FCHO2: variants seen among roughly 807,000 people sequenced by gnomAD.
The protein encoded by FCHO2 is FCH and mu domain containing endocytic adaptor 2, also known as F-BAR domain only protein 2.
In FCHO2, 43 loss-of-function variants were observed where a neutral mutation model predicts 114.1. That is an observed-to-expected ratio of 0.38 (90% CI 0.30 to 0.49). FCHO2 has a LOEUF of 0.49. FCHO2 is among the 20% of genes least tolerant of loss of function. The probability of loss-of-function intolerance (pLI) is 0.97; values close to 1 mark genes in which losing one functional copy is unlikely to be tolerated. For synonymous variants in FCHO2, 293 were observed against 315.2 expected (o/e 0.93, Z 0.75); for missense variants, 807 against 950.4 (o/e 0.85, Z 1.98).
Position 73,054,527 on chromosome 5 carries a change from A to G in FCHO2, c.1188A>G (p.Val396=). ...CCTATTTTGCATCTCTGTTTTAGGT[A>G]CAGATGAATCGGAATTTGTCTAGTA... ...LSPAISRHSP[V]QMNRNLSNEE... The change falls in exon 15 of 26, where the codon GTA becomes GTG. Residue 396 remains valine, a splice_region_variant and synonymous_variant. Coordinates refer to ENST00000430046, the MANE Select transcript of FCHO2 (RefSeq NM_138782.3). 6.5e-7 allele frequency: 1 copy of G among 1,541,674 alleles called. No individual in the cohort carries two copies. Among genetic ancestry groups the G allele is most frequent in the Non-Finnish European group, 8.8e-7 (1 of 1,142,476 alleles).
chr5:73,065,935 G>A (rs1455080137), intron 18 of FCHO2, among the ~76,000 whole-genome samples: 1 of 151,806 alleles, frequency 6.6e-6, no homozygotes, highest in African/African-American at 2.4e-5. Context: ...TTATTCCACT[G>A]TATATGTCCA....
chr5:73,008,350 G>A (rs955113130), intron 6 of FCHO2, among the ~76,000 whole-genome samples: 15 of 152,148 alleles, frequency 9.9e-5, no homozygotes, highest in East Asian at 5.8e-4. Flanking sequence ...GAGGGCCAGC[G>A]TAGTGGTCTT....
intron 17 of FCHO2, 115 bp from the exon 18 acceptor site, chr5:73,063,726 G>T: frequency 1.2e-6 from 1 of 822,614 alleles, no homozygotes; most frequent in Non-Finnish European, 2.0e-6. Context: ...TAAAAAAAGA[G>T]CCTCCTGAAA....
At chr5:72,998,403 C>T (rs1421980038) in intron 5 of FCHO2, among the ~76,000 whole-genome samples, 2 of 151,718 alleles carry the variant, frequency 1.3e-5, no homozygotes, top group African/African-American at 2.4e-5. Context: ...AGGAGAATGG[C>T]GTGAACCTGG....
At chr5:73,026,624 T>C (rs1755934348) in intron 8 of FCHO2, among the ~76,000 whole-genome samples, 1 of 152,214 alleles carries the variant, frequency 6.6e-6, no homozygotes, top group Admixed American at 6.5e-5. Flanking sequence ...CAAATTTTTT[T>C]CTAACTCGTT....
chr5:73,014,315 G>A (rs577016444), intron 6 of FCHO2, among the ~76,000 whole-genome samples: 1 of 145,076 alleles, frequency 6.9e-6, no homozygotes, highest in Non-Finnish European at 1.5e-5. Context: ...TTGAGATGGA[G>A]TCTCACTCTG....
At chr5:73,021,549 A>G (rs186710899) in intron 8 of FCHO2, among the ~76,000 whole-genome samples, 1 of 152,152 alleles carries the variant, frequency 6.6e-6, no homozygotes, top group Admixed American at 6.5e-5. Context: ...CATCTTTACC[A>G]CATTCATTCA....
At chr5:73,078,385 G>A in intron 22 of FCHO2, 73 bp downstream of exon 22, 2 of 1,321,508 alleles carry the variant, frequency 1.5e-6, no homozygotes, top group Non-Finnish European at 1.0e-6. Context: ...AAATGAATAA[G>A]TATGTCATAG....
intron 18 of FCHO2, among the ~76,000 whole-genome samples, chr5:73,065,015 C>T (rs1757999267): frequency 6.6e-6 from 1 of 151,922 alleles, no homozygotes; most frequent in Admixed American, 6.6e-5. Context: ...TCGTCAGTCT[C>T]ATATCCTCAG....
At chr5:72,986,870 CTTTCTTTTTTT>C (rs1215638388) in intron 2 of FCHO2, among the ~76,000 whole-genome samples, 146 of 150,394 alleles carry the variant, frequency 9.7e-4, no homozygotes, top group African/African-American at 3.0e-3. Flanking sequence ...TTTTCTTTTT[CTTTCTTTTTTT>C]TTTCTTTTTT....
intron 2 of FCHO2, among the ~76,000 whole-genome samples, chr5:72,980,923 G>T (rs944201289): frequency 6.6e-6 from 1 of 152,000 alleles, no homozygotes; most frequent in Non-Finnish European, 1.5e-5. Flanking sequence ...TCTTTTAATT[G>T]GGGCATTTAG....
intron 5 of FCHO2, among the ~76,000 whole-genome samples, chr5:72,993,402 A>G (rs1195780374): frequency 7.2e-5 from 11 of 152,184 alleles, no homozygotes; most frequent in Non-Finnish European, 1.6e-4. Flanking sequence ...TAATTTCAGA[A>G]GGAAAAAATG....
intron 11 of FCHO2, among the ~76,000 whole-genome samples, chr5:73,048,254 A>G (rs1251924482): frequency 6.6e-6 from 1 of 152,072 alleles, no homozygotes; most frequent in East Asian, 1.9e-4. Flanking sequence ...GTTCGAGACC[A>G]GCCTGGCCAA....
intron 8 of FCHO2, chr5:73,020,958 G>T (rs1755591336): frequency 1.3e-5 from 20 of 1,595,686 alleles, no homozygotes; most frequent in Admixed American, 1.7e-5. Flanking sequence ...TGCTTCGGCT[G>T]TTGAGTGGTT....
chr5:73,025,979 CA>C (rs1395773544), intron 8 of FCHO2, among the ~76,000 whole-genome samples: 1 of 152,070 alleles, frequency 6.6e-6, no homozygotes, highest in South Asian at 2.1e-4. Context: ...TAAAAGAAAA[CA>C]AAAGATCCAA....
intron 18 of FCHO2, among the ~76,000 whole-genome samples, chr5:73,066,323 A>T (rs1156398): frequency 6.6e-6 from 1 of 151,702 alleles, no homozygotes; most frequent in Non-Finnish European, 1.5e-5. Flanking sequence ...CACCGTTGTC[A>T]GAATTAAATT....
At chr5:73,013,922 G>T (rs545946223) in intron 6 of FCHO2, among the ~76,000 whole-genome samples, 47 of 152,040 alleles carry the variant, frequency 3.1e-4, no homozygotes, top group Non-Finnish European at 6.2e-4. Context: ...CTCATCTCAT[G>T]ATCAGCTGGC....
In FCHO2 at chr5:73,051,352, A is replaced by T. The variant is rs774230768; in HGVS notation, c.943A>T (p.Ile315Phe). The T allele has an allele frequency of 2.1e-5, 32 of 1,527,166 alleles. 1 individual carries two copies. In the Admixed American group the frequency reaches 4.7e-4, roughly 23 times the overall value. 94.6% of individuals were successfully genotyped at this position (1,527,166 alleles called of 1,614,324 possible). The change falls in exon 12 of 26, where the codon ATT becomes TTT. Residue 315 changes from isoleucine to phenylalanine, a missense_variant. Ile to Phe is a conservative substitution (Grantham distance 21, BLOSUM62 0). Transcript: ENST00000430046. The stretch of plus-strand genomic sequence containing the variant: ...TTTTTTTTTCTTTTTCCCTTAGAAC[A>T]TTCCTGATGTAGATGAAGAAGGCTA... The part of the protein sequence containing the change: ...VECPDADSLN[I>F]PDVDEEGYSI...
rs767097145 is a variant in FCHO2 at position 73,082,806 on chromosome 5, A to G, written c.2226A>G (p.Ser742=). Reference sequence around the variant, plus strand: ...CCTTTTGGAAATTGTCTAGTATTTCAGAAAAATCAGAAAATGGAGGTAAGT... The same window carrying G: ...CCTTTTGGAAATTGTCTAGTATTTCGGAAAAATCAGAAAATGGAGGTAAGT... ...MKAFWKLSSI[S]EKSENGGSGS... Residue 742 remains serine, a synonymous_variant, in exon 24 of 26, where the codon TCA becomes TCG. Coordinates refer to ENST00000430046, the MANE Select transcript of FCHO2 (RefSeq NM_138782.3). 1.1e-5 allele frequency: 17 copies of G among 1,605,744 alleles called. No individual in the cohort carries two copies. The highest frequency in any genetic ancestry group is 1.6e-4 in the Middle Eastern group (1 of 6,062).
Sources: gnomAD v4.1 joint callset for allele counts (sites outside exome capture counted in the v4.1 genomes callset) on GRCh38, gnomAD v4.1.1 for gene constraint, MANE v1.5 for transcripts, NCBI Gene and HGNC (gene_info 2026-07-23, HGNC 2026-07-21) for gene names.